Variants in GAB3 observed in about 807,000 individuals in gnomAD.
GAB3 encodes the protein GRB2 associated binding protein 3.
Under a neutral mutation model 40.4 loss-of-function variants are expected in GAB3, and 12 were observed. The ratio of observed to expected loss-of-function variants is 0.30; its 90% CI spans 0.19 to 0.48. The LOEUF is 0.48. Ranked by LOEUF, GAB3 falls within the 20% of genes least tolerant of loss-of-function variation. The pLI is 0.99. For missense variants in GAB3, 381 were observed against 461.9 expected (o/e 0.82, Z 1.61); for synonymous variants, 154 against 176.7 (o/e 0.87, Z 1.02).
chrX:154,712,424 C>A lies in GAB3; in HGVS notation c.874G>T (p.Gly292Cys), dbSNP rs1603426084. The A allele has an allele frequency of 8.3e-7, 1 of 1,209,599 alleles. No individual in the cohort carries two copies. Among genetic ancestry groups the A allele is most frequent in the East Asian group, 3.0e-5 (1 of 33,761 alleles). Reference sequence around the variant, plus strand: ...TCTTTTGCTCCACAGGGTAAGGAACCTTGATTTTTATCTACCTGAATGGTG... The same window carrying A: ...TCTTTTGCTCCACAGGGTAAGGAACATTGATTTTTATCTACCTGAATGGTG... The part of the protein sequence containing the change: ...SSTIQVDKNQ[G>C]SLPCGAKELD... The change falls in exon 4 of 10, where the codon GGT (glycine) becomes TGT (cysteine). Residue 292 changes from glycine (G) to cysteine (C), a missense_variant. Gly to Cys is a radical substitution (Grantham distance 159, BLOSUM62 -3). Around this residue, in one of 2 missense-constraint regions of GAB3, gnomAD observed 364 missense variants for 421.0 expected, o/e 0.86. Transcript: ENST00000424127.
intron 1 of GAB3, among the ~76,000 whole-genome samples, chrX:154,729,626 T>C (rs1223665880): frequency 8.9e-6 from 1 of 111,875 alleles, no homozygotes; most frequent in Non-Finnish European, 1.9e-5. Context: ...AGGGTTCTGG[T>C]TTGCAATTAG....
chrX:154,716,002 T>C (rs782588103), intron 2 of GAB3, 24 bp downstream of exon 2: 4 of 1,188,519 alleles, frequency 3.4e-6, no homozygotes, highest in South Asian at 1.9e-5. Flanking sequence ...CCTTAGCACA[T>C]GGGAGCCCCA....
intron 4 of GAB3, among the ~76,000 whole-genome samples, chrX:154,701,797 C>T (rs2070743203): frequency 9.0e-6 from 1 of 111,563 alleles, no homozygotes; most frequent in Non-Finnish European, 1.9e-5. Context: ...TAGGAATTAA[C>T]TTAACCAAAG....
rs371001859 is a variant in GAB3 at position 154,678,100 on chromosome X, CAAAA to C, written c.*74_*77del. 370 of 402,508 alleles carry C rather than the reference CAAAA, an allele frequency of 9.2e-4. No individual in the cohort carries two copies. The highest frequency in any genetic ancestry group is 1.4e-3 in the South Asian group (34 of 24,387). The allele number at this position is 402,508 out of a possible 1,213,427, so 33.2% of individuals were successfully genotyped here. ...TGACCATCAGTGTGTTTTTAGTGGA[CAAAA>C]AAAAAAAAAAAAGAAAAAACTCAAA... On this transcript the variant is annotated 3_prime_UTR_variant, in exon 10 of 10. Transcript: ENST00000424127.
intron 8 of GAB3, among the ~76,000 whole-genome samples, chrX:154,689,213 C>T (rs1557248676): frequency 9.0e-6 from 1 of 111,422 alleles, no homozygotes; most frequent in African/African-American, 3.3e-5. Context: ...CAAAATTCAA[C>T]AGCCCTTCAT....
intron 4 of GAB3, among the ~76,000 whole-genome samples, chrX:154,711,128 G>A (rs967194542): frequency 1.8e-5 from 2 of 111,906 alleles, no homozygotes; most frequent in Non-Finnish European, 3.8e-5. Context: ...TGAGAGATTC[G>A]TACAATTTGA....
At position 154,690,986 on chromosome X, in the gene GAB3, T is replaced by C. The variant is rs781866304; in HGVS notation, c.1530+4931A>G. ...ATGCACACGTATGTTTATTGCAGCA[T>C]TATTCACAATAGCAAAGACTTGGAA... On this transcript the variant is annotated intron_variant, in intron 8 of 9. Coordinates refer to ENST00000424127, the MANE Select transcript of GAB3 (RefSeq NM_001081573.3). 7.0e-3 allele frequency among the ~76,000 whole-genome samples: 766 copies of C among 110,197 alleles called. 5 individuals carry two copies. The highest frequency in any genetic ancestry group is 0.024 in the African/African-American group (719 of 29,876).
intron 8 of GAB3, among the ~76,000 whole-genome samples, chrX:154,689,510 G>A (rs1285162241): frequency 9.1e-6 from 1 of 110,098 alleles, no homozygotes; most frequent in Admixed American, 9.7e-5. Flanking sequence ...TGTATATCTA[G>A]AAAACCCCAT....
chrX:154,713,590 G>A (rs1207120786), intron 2 of GAB3, among the ~76,000 whole-genome samples, 164 bp from the exon 3 acceptor site: 1 of 106,227 alleles, frequency 9.4e-6, no homozygotes, highest in Non-Finnish European at 1.9e-5. Context: ...GTCTGGGAAA[G>A]AAGGCCAATG....
At chrX:154,709,180 T>C (rs782361449) in intron 4 of GAB3, among the ~76,000 whole-genome samples, 15 of 111,363 alleles carry the variant, frequency 1.3e-4, no homozygotes, top group East Asian at 5.6e-4. Flanking sequence ...TAAGACATGC[T>C]TCCTTCCTCT....
intron 6 of GAB3, among the ~76,000 whole-genome samples, chrX:154,698,323 C>A (rs1038850089): frequency 8.9e-6 from 1 of 112,132 alleles, no homozygotes. Flanking sequence ...CCCCCTCAGA[C>A]TGAAGAACCC....
chrX:154,679,355 C>T (rs2070343285), intron 9 of GAB3: 2 of 268,948 alleles, frequency 7.4e-6, no homozygotes, highest in Admixed American at 5.0e-5. Context: ...ATAAAAGAGC[C>T]TTTGTGTTGA....
chrX:154,733,504 A>G (rs1171569119), intron 1 of GAB3, among the ~76,000 whole-genome samples: 2 of 112,272 alleles, frequency 1.8e-5, no homozygotes, highest in Non-Finnish European at 3.8e-5. Flanking sequence ...AATAGTGTTC[A>G]GCATATAGGA....
rs1557245202 is a variant in GAB3, at chrX:154,675,369, G to T, written c.*2809C>A. The T allele has an allele frequency of 8.9e-6, 1 of 112,215 alleles. No individual in the cohort carries two copies. The highest frequency in any genetic ancestry group is 9.4e-5 in the Admixed American group (1 of 10,592). 9.2% of individuals were successfully genotyped at this position (112,215 alleles called of 1,213,427 possible). On this transcript the variant is annotated 3_prime_UTR_variant, in exon 10 of 10. Transcript: ENST00000424127. ...TGAACAGGGACTGAGGAAAAAGCCA[G>T]GTCTGAGGAGAGCCTTCAGTTTCAA...
chrX:154,724,117 C>T (rs1557259137), intron 1 of GAB3, among the ~76,000 whole-genome samples: 1 of 111,284 alleles, frequency 9.0e-6, no homozygotes, highest in Admixed American at 9.5e-5. Flanking sequence ...GAGACCGAGA[C>T]GGGTGGATCA....
At chrX:154,696,456 AG>A (rs1279202011) in intron 7 of GAB3, among the ~76,000 whole-genome samples, 2 of 111,509 alleles carry the variant, frequency 1.8e-5, no homozygotes, top group African/African-American at 3.3e-5. Context: ...GCTGAGTCAC[AG>A]TCTTGGCTGG....
chrX:154,727,869 C>T (rs1019462177), intron 1 of GAB3, among the ~76,000 whole-genome samples: 1 of 111,959 alleles, frequency 8.9e-6, no homozygotes, highest in Non-Finnish European at 1.9e-5. Context: ...CTCCTGCACT[C>T]AATTCTACTT....
chrX:154,700,110 A>T (rs1557251850), intron 4 of GAB3, 51 bp from the exon 5 acceptor site: 2 of 1,024,348 alleles, frequency 2.0e-6, no homozygotes, highest in South Asian at 1.9e-5. Flanking sequence ...TATCAACTGA[A>T]ACTAGAGTCC....
intron 1 of GAB3, among the ~76,000 whole-genome samples, chrX:154,739,610 G>T (rs1392561278): frequency 1.8e-5 from 2 of 111,873 alleles, no homozygotes; most frequent in Non-Finnish European, 3.8e-5. Flanking sequence ...GTATTTCCTT[G>T]TGTTCATATA....
Sources: allele counts gnomAD v4.1 joint callset (sites outside exome capture counted in the v4.1 genomes callset), GRCh38; gene constraint gnomAD v4.1.1; regional missense constraint gnomAD v4.1.1; transcripts MANE v1.5; gene names NCBI Gene and HGNC (gene_info 2026-07-23, HGNC 2026-07-21).